Variants in LRBA observed in about 807,000 individuals in gnomAD.
The protein encoded by LRBA is lipopolysaccharide-responsive and beige-like anchor protein.
Under a neutral mutation model 330.0 loss-of-function variants are expected in LRBA, and 176 were observed. The ratio of observed to expected loss-of-function variants is 0.53; its 90% CI spans 0.47 to 0.60. The LOEUF is 0.60. Ranked by LOEUF, LRBA falls within the 20% of genes least tolerant of loss-of-function variation. LRBA has a pLI of 0.00. For synonymous variants in LRBA, 1,230 were observed against 1,193.0 expected (o/e 1.03, Z -0.64); for missense variants, 3,259 against 3,444.8 (o/e 0.95, Z 1.35).
intron 22 of LRBA, among the ~76,000 whole-genome samples, chr4:150,867,404 T>C (rs928290917): frequency 6.6e-6 from 1 of 152,210 alleles, no homozygotes; most frequent in African/African-American, 2.4e-5. Context: ...CACCCTAGTA[T>C]AAATTCCTTT....
At chr4:150,334,973 G>T (rs1386925876) in intron 48 of LRBA, among the ~76,000 whole-genome samples, 1 of 151,650 alleles carries the variant, frequency 6.6e-6, no homozygotes, top group East Asian at 1.9e-4. Context: ...GGAATTACAG[G>T]TATGCACCAC....
At chr4:150,822,505 G>A (rs1578892789) in intron 30 of LRBA, among the ~76,000 whole-genome samples, 1 of 152,116 alleles carries the variant, frequency 6.6e-6, no homozygotes, top group South Asian at 2.1e-4. Flanking sequence ...AGTGGCTCAC[G>A]CCTGGAATCC....
chr4:150,882,318 G>C (rs553135542), intron 17 of LRBA, among the ~76,000 whole-genome samples: 1 of 152,198 alleles, frequency 6.6e-6, no homozygotes, highest in East Asian at 1.9e-4. Flanking sequence ...TTTTGTAAAA[G>C]TTAAATGGGC....
At chr4:150,483,544 G>C (rs1757535997) in intron 42 of LRBA, among the ~76,000 whole-genome samples, 1 of 151,352 alleles carries the variant, frequency 6.6e-6, no homozygotes, top group African/African-American at 2.4e-5. Context: ...ATGTTGCCCA[G>C]ACTGGTCTTG....
chr4:150,473,243 C>G (rs1756352097), intron 42 of LRBA, among the ~76,000 whole-genome samples: 1 of 152,064 alleles, frequency 6.6e-6, no homozygotes, highest in Non-Finnish European at 1.5e-5. Flanking sequence ...ATTTGTATAT[C>G]TTCTTCGGTG....
At chr4:150,623,245 G>A (rs2126637439) in intron 37 of LRBA, among the ~76,000 whole-genome samples, 1 of 152,248 alleles carries the variant, frequency 6.6e-6, no homozygotes, top group Non-Finnish European at 1.5e-5. Context: ...AACAAAATTT[G>A]TATTGCAAAT....
At position 150,335,459 on chromosome 4, in the gene LRBA, ATATGTG is replaced by A. The variant is rs1581043208; in HGVS notation, c.7363-9567_7363-9562del. ...TATATATACACGTATATATGTGTAT[ATATGTG>A]TATATATATACGTATATATGTGTGT... is the stretch of plus-strand genomic sequence containing the variant. On this transcript the variant is annotated intron_variant, in intron 48 of 56. Coordinates refer to ENST00000651943, the MANE Select transcript of LRBA (RefSeq NM_001364905.1). Among the ~76,000 whole-genome samples, 4 of 140,694 alleles carry A rather than the reference ATATGTG, an allele frequency of 2.8e-5. No homozygotes were observed. The East Asian group carries it at 8.0e-4, about 28-fold the overall frequency. The allele number at this position is 140,694 out of a possible 152,430, so 92.3% of individuals were successfully genotyped here.
chr4:150,644,130 C>T (rs528226155), intron 37 of LRBA, among the ~76,000 whole-genome samples: 2 of 151,898 alleles, frequency 1.3e-5, no homozygotes, highest in East Asian at 3.9e-4. Context: ...TTTTTAAAGG[C>T]ATAGTGGAGT....
At chr4:150,991,405 G>A (rs954668054) in intron 2 of LRBA, among the ~76,000 whole-genome samples, 6 of 152,164 alleles carry the variant, frequency 3.9e-5, no homozygotes, top group African/African-American at 1.4e-4. Flanking sequence ...AAGGTTTGGG[G>A]CAACTTACCC....
chr4:150,642,808 T>C (rs949171752), intron 37 of LRBA, among the ~76,000 whole-genome samples: 3 of 151,888 alleles, frequency 2.0e-5, no homozygotes, highest in Non-Finnish European at 3.0e-5. Context: ...AGATGTTTTA[T>C]ATAGCAAATG....
At chr4:150,525,959 C>T (rs1763425187) in intron 40 of LRBA, among the ~76,000 whole-genome samples, 1 of 151,980 alleles carries the variant, frequency 6.6e-6, no homozygotes, top group African/African-American at 2.4e-5. Flanking sequence ...GCTACCGAGA[C>T]CAATCCTCAC....
At chr4:150,472,688 GTC>G (rs886979859) in intron 42 of LRBA, among the ~76,000 whole-genome samples, 25 of 152,016 alleles carry the variant, frequency 1.6e-4, no homozygotes, top group East Asian at 1.2e-3. Flanking sequence ...TCTACTCTGT[GTC>G]TCTAGTAAAC....
At chr4:150,829,416 C>T (rs1746819178) in intron 29 of LRBA, among the ~76,000 whole-genome samples, 1 of 152,094 alleles carries the variant, frequency 6.6e-6, no homozygotes, top group Non-Finnish European at 1.5e-5. Context: ...GGGTTTCAAC[C>T]CATTCTAGCA....
chr4:150,672,998 G>C (rs1343803104), intron 37 of LRBA, among the ~76,000 whole-genome samples: 3 of 152,184 alleles, frequency 2.0e-5, no homozygotes, highest in African/African-American at 4.8e-5. Flanking sequence ...GATTTAGTCA[G>C]TCATTCTCAA....
chr4:150,856,748 C>T (rs976804226), intron 22 of LRBA, among the ~76,000 whole-genome samples: 4 of 152,080 alleles, frequency 2.6e-5, no homozygotes, highest in African/African-American at 9.7e-5. Flanking sequence ...CAATTAATTG[C>T]CAGATATTGT....
chr4:150,693,586 A>T (rs925873156), intron 36 of LRBA, among the ~76,000 whole-genome samples: 1 of 148,994 alleles, frequency 6.7e-6, no homozygotes, highest in East Asian at 2.0e-4. Flanking sequence ...AAAAAAAAAA[A>T]TTGGGCAAGA....
intron 37 of LRBA, among the ~76,000 whole-genome samples, chr4:150,678,621 T>C (rs1244374591): frequency 6.6e-6 from 1 of 152,220 alleles, no homozygotes; most frequent in South Asian, 2.1e-4. Flanking sequence ...CTATTGATTT[T>C]TTCCCTCTCC....
At chr4:150,289,867 A>G (rs1354403851) in intron 53 of LRBA, among the ~76,000 whole-genome samples, 1 of 152,210 alleles carries the variant, frequency 6.6e-6, no homozygotes, top group African/African-American at 2.4e-5. Context: ...AACAGGTCAA[A>G]ACTGTTTAAG....
intron 41 of LRBA, among the ~76,000 whole-genome samples, chr4:150,490,407 C>A (rs74971210): frequency 6.6e-6 from 1 of 151,782 alleles, no homozygotes; most frequent in African/African-American, 2.4e-5. Flanking sequence ...CAAGTTCCAT[C>A]GTAAAACTGC....
Sources: gnomAD v4.1 joint callset for allele counts (sites outside exome capture counted in the v4.1 genomes callset) on GRCh38, gnomAD v4.1.1 for gene constraint, MANE v1.5 for transcripts, NCBI Gene and HGNC (gene_info 2026-07-23, HGNC 2026-07-21) for gene names.